Variants in PRDM5 observed in about 807,000 individuals in gnomAD.
PRDM5 encodes PR/SET domain 5.
Under a neutral mutation model 81.2 loss-of-function variants are expected in PRDM5, and 56 were observed. That is an observed-to-expected ratio of 0.69 (90% CI 0.56 to 0.86). The LOEUF is 0.86. PRDM5 is among the 40% of genes least tolerant of loss of function. The probability of loss-of-function intolerance (pLI) is 0.00; values close to 1 mark genes in which losing one functional copy is unlikely to be tolerated. For synonymous variants in PRDM5, 267 were observed against 256.4 expected (o/e 1.04, Z -0.39); for missense variants, 697 against 770.1 (o/e 0.91, Z 1.12).
chr4:120,886,111 C>A (rs1461665017), intron 2 of PRDM5, among the ~76,000 whole-genome samples: 5 of 152,132 alleles, frequency 3.3e-5, no homozygotes, highest in Admixed American at 6.5e-5. Context: ...AGGAAGAATG[C>A]ACTATGACAT....
intron 3 of PRDM5, among the ~76,000 whole-genome samples, chr4:120,830,588 A>G (rs1344443717): frequency 1.3e-5 from 2 of 152,122 alleles, no homozygotes; most frequent in Admixed American, 1.3e-4. Flanking sequence ...AAATTATTTT[A>G]TTTGAAAATA....
chr4:120,864,422 A>T (rs1487910925), intron 2 of PRDM5, among the ~76,000 whole-genome samples: 1 of 152,222 alleles, frequency 6.6e-6, no homozygotes, highest in African/African-American at 2.4e-5. Flanking sequence ...AGGTGAAATC[A>T]GGACAGGCAA....
At chr4:120,920,371 A>G (rs1032681283) in intron 1 of PRDM5, among the ~76,000 whole-genome samples, 1 of 152,242 alleles carries the variant, frequency 6.6e-6, no homozygotes, top group African/African-American at 2.4e-5. Flanking sequence ...GAGAGCATAA[A>G]AACTTTTAAG....
At chr4:120,885,158 T>TAAAAAAGAAA (rs60992648) in intron 2 of PRDM5, among the ~76,000 whole-genome samples, 1,701 of 117,002 alleles carry the variant, frequency 0.015, 37 homozygotes, top group African/African-American at 0.053. Flanking sequence ...AAAAAAAAAG[T>TAAAAAAGAAA]AAAAAAGAAA....
At chr4:120,688,975 T>C (rs886457154), downstream of PRDM5, among the ~76,000 whole-genome samples, 2 of 152,190 alleles carry the variant, frequency 1.3e-5, no homozygotes, top group African/African-American at 4.8e-5. Flanking sequence ...ATATTTTGTA[T>C]TCCTCGTTTC....
chr4:120,916,283 A>G (rs1724153217), intron 1 of PRDM5, among the ~76,000 whole-genome samples: 1 of 152,064 alleles, frequency 6.6e-6, no homozygotes, highest in Non-Finnish European at 1.5e-5. Context: ...GCTACTCAGG[A>G]GGCTGAGGCA....
rs890483789 is a variant in PRDM5 at position 120,695,183 on chromosome 4, G to A, written c.1821C>T (p.Cys607=). ...PNRPLAECQF[C]HKKFTRNDYL... is the part of the protein sequence containing the mutation. ...AGTCATTCCTTGTAAACTTCTTATG[G>A]CAAAACTGGCATTCTGCCAGGGGAC... is the stretch of plus-strand genomic sequence containing the variant. The change falls in exon 16 of 16, where the codon TGC becomes TGT. Residue 607 remains cysteine (C), a synonymous_variant. Transcript: ENST00000264808. 1 of 1,613,538 alleles carries A rather than the reference G, an allele frequency of 6.2e-7. No homozygotes were observed. The highest frequency in any genetic ancestry group is 8.5e-7 in the Non-Finnish European group (1 of 1,179,634).
At chr4:120,843,312 G>T (rs1414820406) in intron 3 of PRDM5, among the ~76,000 whole-genome samples, 1 of 152,122 alleles carries the variant, frequency 6.6e-6, no homozygotes, top group African/African-American at 2.4e-5. Context: ...ACTCCAGCCT[G>T]GGCAACAGAG....
chr4:120,839,751 C>T (rs1423958760), intron 3 of PRDM5, among the ~76,000 whole-genome samples: 1 of 152,184 alleles, frequency 6.6e-6, no homozygotes, highest in Admixed American at 6.5e-5. Flanking sequence ...CCTCCTGCCA[C>T]CCTCCATGGA....
intron 2 of PRDM5, among the ~76,000 whole-genome samples, chr4:120,867,725 T>C (rs1761347997): frequency 6.6e-6 from 1 of 152,216 alleles, no homozygotes. Context: ...CAAGGGAGTG[T>C]TTTTAATTTT....
downstream of PRDM5, among the ~76,000 whole-genome samples, chr4:120,689,336 A>G (rs1198473908): frequency 6.6e-6 from 1 of 152,156 alleles, no homozygotes; most frequent in Non-Finnish European, 1.5e-5. Flanking sequence ...GAAACAACAT[A>G]AGAGATGGAT....
intron 2 of PRDM5, among the ~76,000 whole-genome samples, chr4:120,877,316 TACC>T (rs1263998179): frequency 1.3e-5 from 2 of 152,238 alleles, no homozygotes; most frequent in African/African-American, 4.8e-5. Flanking sequence ...TATTTCCATG[TACC>T]ACATCACTTA....
chr4:120,742,303 G>A (rs1217842573), intron 14 of PRDM5, among the ~76,000 whole-genome samples: 1 of 152,008 alleles, frequency 6.6e-6, no homozygotes, highest in East Asian at 1.9e-4. Context: ...AAAGACCAAA[G>A]GTAGATAAAA....
chr4:120,785,094 G>A lies in PRDM5; in HGVS notation c.1189-3C>T, dbSNP rs1749583940. The A allele has an allele frequency of 1.2e-6, 2 of 1,601,542 alleles. No individual in the cohort carries two copies. Among genetic ancestry groups the A allele is most frequent in the Admixed American group, 3.3e-5 (2 of 59,852 alleles). On this transcript the variant is annotated splice_polypyrimidine_tract_variant and splice_region_variant and intron_variant, in intron 10 of 15. Transcript: ENST00000264808. Reference sequence around the variant, plus strand: ...AACGGTCTCTCCTCAGAGTGGGTCTGCAGAGGAAAAACACTGAGTCAGGAG... The same window carrying A: ...AACGGTCTCTCCTCAGAGTGGGTCTACAGAGGAAAAACACTGAGTCAGGAG...
At chr4:120,911,861 G>A (rs958233496) in intron 1 of PRDM5, among the ~76,000 whole-genome samples, 4 of 152,062 alleles carry the variant, frequency 2.6e-5, no homozygotes, top group Middle Eastern at 3.2e-3. Context: ...GAGAGAAAAT[G>A]TTTTTAAAAT....
intron 14 of PRDM5, chr4:120,731,497 G>A (rs1330736105): frequency 6.6e-6 from 1 of 151,932 alleles, no homozygotes; most frequent in Non-Finnish European, 1.5e-5. Context: ...ATTTTGGGCT[G>A]GCAAATGAGA....
intron 3 of PRDM5, among the ~76,000 whole-genome samples, chr4:120,835,342 G>A (rs1757220663): frequency 6.6e-6 from 1 of 152,166 alleles, no homozygotes. Flanking sequence ...ACCTAGTAAA[G>A]AGAAAATGTG....
chr4:120,702,536 C>T (rs937376908), intron 15 of PRDM5, among the ~76,000 whole-genome samples: 1 of 152,000 alleles, frequency 6.6e-6, no homozygotes, highest in Admixed American at 6.6e-5. Flanking sequence ...TGTCTCCTTG[C>T]TAAACTAAGG....
chr4:120,813,396 A>G lies in PRDM5; in HGVS notation c.866-1947T>C, dbSNP rs1484794797. ...CATGACCATTCCTGCCTCAACCTCA[A>G]TCCCATCCACTCTCCCACTTCTCTA... is the stretch of plus-strand genomic sequence containing the variant. On this transcript the variant is annotated intron_variant, in intron 7 of 15. Transcript: ENST00000264808. Among the ~76,000 whole-genome samples, 2 of 152,118 alleles carry G rather than the reference A, an allele frequency of 1.3e-5. 1 individual carries two copies. The highest frequency in any genetic ancestry group is 2.9e-5 in the Non-Finnish European group (2 of 68,014).
Sources: allele counts gnomAD v4.1 joint callset (sites outside exome capture counted in the v4.1 genomes callset), GRCh38; gene constraint gnomAD v4.1.1; transcripts MANE v1.5; gene names NCBI Gene and HGNC (gene_info 2026-07-23, HGNC 2026-07-21).